VKORC1L1: variants seen among roughly 807,000 people sequenced by gnomAD.
VKORC1L1 encodes the protein vitamin K epoxide reductase complex subunit 1-like protein 1.
Under a neutral mutation model 18.9 loss-of-function variants are expected in VKORC1L1, and 2 were observed. That is an observed-to-expected ratio of 0.11 (90% CI 0.04 to 0.33). The LOEUF (loss-of-function observed/expected upper bound fraction) is 0.33, where lower values mean the gene tolerates loss of function less well. VKORC1L1 is among the 10% of genes least tolerant of loss of function. VKORC1L1 has a pLI of 1.00. For missense variants in VKORC1L1, 123 were observed against 224.1 expected (o/e 0.55, Z 2.88); for synonymous variants, 96 against 100.0 (o/e 0.96, Z 0.24).
intron 1 of VKORC1L1, among the ~76,000 whole-genome samples, chr7:65,922,210 G>A (rs1037333888): frequency 2.7e-5 from 4 of 150,228 alleles, no homozygotes; most frequent in East Asian, 3.9e-4. Flanking sequence ...AGTCTCCCTC[G>A]TATTTCTCCT....
chr7:65,939,503 C>A (rs950591208), intron 1 of VKORC1L1, among the ~76,000 whole-genome samples: 1 of 152,154 alleles, frequency 6.6e-6, no homozygotes, highest in Non-Finnish European at 1.5e-5. Flanking sequence ...TTGGCAGTTA[C>A]AACAGTCAGT....
intron 1 of VKORC1L1, among the ~76,000 whole-genome samples, chr7:65,878,829 A>C (rs1256183051): frequency 6.6e-6 from 1 of 152,004 alleles, no homozygotes; most frequent in Non-Finnish European, 1.5e-5. Flanking sequence ...AATCACTTGA[A>C]CCCGGGAGGT....
At chr7:65,942,733 C>T (rs1461509659) in intron 1 of VKORC1L1, among the ~76,000 whole-genome samples, 2 of 151,600 alleles carry the variant, frequency 1.3e-5, no homozygotes, top group Non-Finnish European at 2.9e-5. Context: ...GCCATGTTGG[C>T]CAGGCTGGTC....
chr7:65,957,640 C>T lies in VKORC1L1; in HGVS notation c.*3340C>T, dbSNP rs557230305. ...CTGAGGTCAGAAGTTCGAGATCAGCCTGACCGACATAGTGGAACCCTGTCT... is the reference window on the plus strand; with the variant it reads ...CTGAGGTCAGAAGTTCGAGATCAGCTTGACCGACATAGTGGAACCCTGTCT... On this transcript the variant is annotated 3_prime_UTR_variant, in exon 3 of 3. Transcript: ENST00000360768. 1 of 152,216 alleles carries T rather than the reference C, an allele frequency of 6.6e-6. No homozygotes were observed. The highest frequency in any genetic ancestry group is 6.5e-5 in the Admixed American group (1 of 15,286). The allele number at this position is 152,216 out of a possible 1,614,324, so 9.4% of individuals were successfully genotyped here. A position where few individuals can be genotyped will look rare whatever the true frequency, so the allele number is the denominator to read the frequency against.
intron 2 of VKORC1L1, among the ~76,000 whole-genome samples, chr7:65,953,508 T>C (rs773982600): frequency 6.6e-6 from 1 of 152,220 alleles, no homozygotes; most frequent in African/African-American, 2.4e-5. Flanking sequence ...AGATTGCATG[T>C]TTTCTTTGTG....
At chr7:65,916,569 A>G (rs1010575803) in intron 1 of VKORC1L1, among the ~76,000 whole-genome samples, 1 of 151,712 alleles carries the variant, frequency 6.6e-6, no homozygotes, top group East Asian at 1.9e-4. Context: ...TCTTATTGCT[A>G]TAGATTGGTC....
rs535589816 is a variant in VKORC1L1, at chr7:65,941,946, C to T, written c.195-6725C>T. Among the ~76,000 whole-genome samples, 18 of 152,242 alleles carry T rather than the reference C, an allele frequency of 1.2e-4. No individual in the cohort carries two copies. In the South Asian group the frequency reaches 3.5e-3, roughly 30 times the overall value. On this transcript the variant is annotated intron_variant, in intron 1 of 2. Coordinates refer to ENST00000360768, the MANE Select transcript of VKORC1L1 (RefSeq NM_173517.6). ...AAAGTGTTGGAATTACAGGCGTGAG[C>T]CACTGCGCCTAGCCGTATTGCTGTT...
chr7:65,945,085 AC>A (rs1790096675), intron 1 of VKORC1L1, among the ~76,000 whole-genome samples: 2 of 151,748 alleles, frequency 1.3e-5, no homozygotes, highest in South Asian at 4.2e-4. Context: ...ACATGGTGAA[AC>A]CCCATCTCTA....
intron 1 of VKORC1L1, among the ~76,000 whole-genome samples, chr7:65,879,640 A>AAG (rs1788891401): frequency 2.3e-5 from 2 of 86,238 alleles, no homozygotes; most frequent in African/African-American, 1.1e-4. Context: ...GCTCTTTACC[A>AAG]CTACTCTTTC....
At chr7:65,868,166 C>T (rs1393514254), upstream of VKORC1L1, among the ~76,000 whole-genome samples, 1 of 152,002 alleles carries the variant, frequency 6.6e-6, no homozygotes, top group Non-Finnish European at 1.5e-5. Flanking sequence ...AGTAAAAAGT[C>T]AGAAAACAGT....
chr7:65,873,501 C>G lies in VKORC1L1; in HGVS notation c.130C>G (p.Pro44Ala). The change falls in exon 1 of 3, where the codon CCC becomes GCC. Residue 44 changes from proline (P) to alanine (A), a missense_variant. Physicochemically the swap from Pro to Ala is conservative, Grantham distance 27. Coordinates refer to ENST00000360768, the MANE Select transcript of VKORC1L1 (RefSeq NM_173517.6). The stretch of plus-strand genomic sequence containing the variant: ...CGTGGAGCGGGAGAAGGAGCGGGAC[C>G]CCGAGCACCGGGCCCTCTGCGACCT... ...YHVEREKERDPEHRALCDLGP... is the reference protein window; with the variant it reads ...YHVEREKERDAEHRALCDLGP... 6.3e-7 allele frequency: 1 copy of G among 1,593,580 alleles called. No homozygotes were observed. The highest frequency in any genetic ancestry group is 8.5e-7 in the Non-Finnish European group (1 of 1,171,646).
chr7:65,939,282 G>C (rs1789996102), intron 1 of VKORC1L1, among the ~76,000 whole-genome samples: 2 of 152,200 alleles, frequency 1.3e-5, no homozygotes, highest in Non-Finnish European at 2.9e-5. Flanking sequence ...GTTGCAGCAA[G>C]ACATGGCTGG....
intron 1 of VKORC1L1, among the ~76,000 whole-genome samples, chr7:65,944,717 G>T (rs1040069249): frequency 6.6e-6 from 1 of 151,856 alleles, no homozygotes; most frequent in African/African-American, 2.4e-5. Context: ...AGGAGTTCGA[G>T]ACCAGCCTGG....
At chr7:65,932,306 C>CG (rs1309612084) in intron 1 of VKORC1L1, among the ~76,000 whole-genome samples, 8 of 152,172 alleles carry the variant, frequency 5.3e-5, no homozygotes, top group African/African-American at 1.9e-4. Flanking sequence ...CCATGTTGGC[C>CG]AGGCTGGTCT....
intron 1 of VKORC1L1, among the ~76,000 whole-genome samples, chr7:65,880,752 T>C (rs569160940): frequency 6.6e-6 from 1 of 152,172 alleles, no homozygotes; most frequent in Admixed American, 6.5e-5. Flanking sequence ...TGGTCATATT[T>C]GAATGTAACA....
At chr7:65,945,439 A>C (rs555389153) in intron 1 of VKORC1L1, among the ~76,000 whole-genome samples, 1 of 151,942 alleles carries the variant, frequency 6.6e-6, no homozygotes, top group South Asian at 2.1e-4. Context: ...GTGAAACCCC[A>C]TCTCTACTAA....
chr7:65,892,009 A>C (rs1583828750), intron 1 of VKORC1L1, among the ~76,000 whole-genome samples: 1 of 151,616 alleles, frequency 6.6e-6, no homozygotes, highest in East Asian at 1.9e-4. Context: ...TTTTTCTTTA[A>C]CTCCCACATA....
chr7:65,912,738 A>G (rs987679510), intron 1 of VKORC1L1, among the ~76,000 whole-genome samples: 3 of 152,202 alleles, frequency 2.0e-5, no homozygotes, highest in African/African-American at 7.2e-5. Context: ...TCAGGTGGGG[A>G]TCTATACTTT....
chr7:65,878,763 A>G lies in VKORC1L1; in HGVS notation c.194+5198A>G, dbSNP rs376960964. Among the ~76,000 whole-genome samples the G allele has an allele frequency of 3.2e-4, 48 of 151,748 alleles. 1 individual carries two copies. The East Asian group carries it at 8.6e-3, about 27-fold the overall frequency. On this transcript the variant is annotated intron_variant, in intron 1 of 2. Coordinates refer to ENST00000360768, the MANE Select transcript of VKORC1L1 (RefSeq NM_173517.6). Reference sequence around the variant, plus strand: ...ACTAAAAATACAAAAAAAATTAGCCAGACATGGTGGCACACGCCTGTAGTC... The same window carrying G: ...ACTAAAAATACAAAAAAAATTAGCCGGACATGGTGGCACACGCCTGTAGTC...
Sources: gnomAD v4.1 joint callset for allele counts (sites outside exome capture counted in the v4.1 genomes callset) on GRCh38, gnomAD v4.1.1 for gene constraint, MANE v1.5 for transcripts, NCBI Gene and HGNC (gene_info 2026-07-23, HGNC 2026-07-21) for gene names.